Variants in TRAP1 observed in about 807,000 individuals in gnomAD.
TRAP1 encodes the protein heat shock protein 75 kDa, mitochondrial.
In TRAP1, 102 loss-of-function variants were observed where a neutral mutation model predicts 89.1. The observed-to-expected ratio is 1.15, with a 90% CI of 0.98 to 1.35. TRAP1 has a LOEUF of 1.35. TRAP1 is among the 40% of genes most tolerant of loss of function. The probability of loss-of-function intolerance (pLI) is 0.00; values close to 1 mark genes in which losing one functional copy is unlikely to be tolerated. For missense variants in TRAP1, 1,256 were observed against 945.3 expected (o/e 1.33, Z -4.31); for synonymous variants, 508 against 388.0 (o/e 1.31, Z -3.64).
intron 17 of TRAP1, chr16:3,658,541 C>T (rs780562041): frequency 5.1e-5 from 29 of 569,362 alleles, no homozygotes; most frequent in South Asian, 1.3e-4. Flanking sequence ...ATTAGCCAGG[C>T]GCATGCCTGT....
rs1176995416 is a variant in TRAP1 at position 3,658,233 on chromosome 16, G to T, written c.2014-3C>A. 1.9e-6 allele frequency: 3 copies of T among 1,612,490 alleles called. No individual in the cohort carries two copies. The highest frequency in any genetic ancestry group is 2.5e-6 in the Non-Finnish European group (3 of 1,179,056). On this transcript the variant is annotated splice_region_variant and splice_polypyrimidine_tract_variant and intron_variant, in intron 17 of 17. Transcript: ENST00000246957. ...GCAATCATGGCGTTCTCGTATATCT[G>T]AAAGGCAAGAGGAGAAACCCATTAT... is the stretch of plus-strand genomic sequence containing the variant.
intron 17 of TRAP1, 146 bp downstream of exon 17, chr16:3,658,647 T>G: frequency 1.3e-6 from 1 of 792,586 alleles, no homozygotes; most frequent in Non-Finnish European, 2.0e-6. Context: ...CACTCCAGCC[T>G]GGCAACAGAG....
At chr16:3,684,858 C>T (rs2051118044) in intron 4 of TRAP1, among the ~76,000 whole-genome samples, 1 of 152,118 alleles carries the variant, frequency 6.6e-6, no homozygotes, top group African/African-American at 2.4e-5. Flanking sequence ...AATAGAAAAA[C>T]TGGGTCCCAA....
chr16:3,659,415 C>T (rs527455581), intron 16 of TRAP1: 1 of 152,166 alleles, frequency 6.6e-6, no homozygotes, highest in Non-Finnish European at 1.5e-5. Flanking sequence ...TCAAAGATGA[C>T]AAGCACAATT....
chr16:3,711,426 C>T (rs529976259), intron 1 of TRAP1, among the ~76,000 whole-genome samples: 1 of 152,110 alleles, frequency 6.6e-6, no homozygotes, highest in East Asian at 1.9e-4. Context: ...TGGTGAAACT[C>T]TACCTCAACT....
At chr16:3,702,541 G>C (rs928451610) in intron 1 of TRAP1, among the ~76,000 whole-genome samples, 7 of 151,762 alleles carry the variant, frequency 4.6e-5, no homozygotes, top group African/African-American at 1.2e-4. Flanking sequence ...CCAGGAGTTT[G>C]AGACCAGCAT....
chr16:3,665,918 C>A (rs1467586548), intron 12 of TRAP1, 53 bp downstream of exon 12: 3 of 1,575,486 alleles, frequency 1.9e-6, no homozygotes, highest in African/African-American at 2.8e-5. Context: ...GCTTCCTCAG[C>A]AGCCCCAGGG....
intron 4 of TRAP1, among the ~76,000 whole-genome samples, chr16:3,680,611 G>A (rs2051062363): frequency 1.3e-5 from 2 of 152,260 alleles, no homozygotes; most frequent in South Asian, 2.1e-4. Context: ...GAGCCCTTGC[G>A]TTGGAGCCTC....
Position 3,676,198 on chromosome 16 carries a change from C to A in TRAP1, c.705-53G>T, listed in dbSNP as rs528363726. The A allele has an allele frequency of 3.3e-6, 5 of 1,510,138 alleles. No homozygotes were observed. The African/African-American group carries it at 4.1e-5, about 12-fold the overall frequency. The allele number at this position is 1,510,138 out of a possible 1,614,324, so 93.5% of individuals were successfully genotyped here. ...AGGTGGATGTGACACTGGGACATAC[C>A]CTGCATGGGACTCCAGCGGTTCCCG... On this transcript the variant is annotated intron_variant, in intron 6 of 17. Transcript: ENST00000246957.
At chr16:3,712,702 C>T (rs983610074) in intron 1 of TRAP1, among the ~76,000 whole-genome samples, 4 of 152,198 alleles carry the variant, frequency 2.6e-5, no homozygotes, top group African/African-American at 9.6e-5. Context: ...CCAACCTCCA[C>T]CTCCCAGGTT....
chr16:3,715,437 CA>C (rs796998372), intron 1 of TRAP1, among the ~76,000 whole-genome samples: 1 of 148,120 alleles, frequency 6.8e-6, no homozygotes, highest in Non-Finnish European at 1.5e-5. Context: ...GACTCCATCT[CA>C]AAAAAAAAGA....
chr16:3,689,231 T>C, intron 2 of TRAP1, 94 bp from the exon 3 acceptor site: 1 of 1,108,656 alleles, frequency 9.0e-7, no homozygotes, highest in Non-Finnish European at 1.3e-6. Context: ...CTTAAGTTTA[T>C]GAGTTTTAAA....
intron 1 of TRAP1, among the ~76,000 whole-genome samples, chr16:3,691,665 CA>C (rs1162009546): frequency 6.8e-5 from 10 of 147,328 alleles, no homozygotes; most frequent in East Asian, 2.0e-4. Flanking sequence ...GACAGTCAAG[CA>C]AAAAAAAAAT....
At chr16:3,685,523 G>C (rs1596726743) in intron 4 of TRAP1, among the ~76,000 whole-genome samples, 1 of 151,880 alleles carries the variant, frequency 6.6e-6, no homozygotes, top group African/African-American at 2.4e-5. Context: ...CAGGTCCTGA[G>C]GCAGCTGTCT....
At chr16:3,666,512 C>T (rs993945338) in intron 11 of TRAP1, among the ~76,000 whole-genome samples, 3 of 151,808 alleles carry the variant, frequency 2.0e-5, no homozygotes, top group Non-Finnish European at 2.9e-5. Flanking sequence ...TTATGAACAA[C>T]CTCATGTTCA....
In TRAP1 at chr16:3,690,900, C is replaced by A; in HGVS notation, c.174G>T (p.Leu58=). The change falls in exon 2 of 18, where the codon CTG becomes CTT. Residue 58 remains leucine (L), a synonymous_variant. Transcript: ENST00000246957. ...TGTCCTCGGCGGTCTGCGTGCTGAACAGTCGTCCTGCCTGCAAGCTCCAGG... is the reference window on the plus strand; with the variant it reads ...TGTCCTCGGCGGTCTGCGTGCTGAAAAGTCGTCCTGCCTGCAAGCTCCAGG... ...NPAWSLQAGR[L]FSTQTAEDKE... 2 of 1,593,176 alleles carry A rather than the reference C, an allele frequency of 1.3e-6. No homozygotes were observed. Among genetic ancestry groups the A allele is most frequent in the Admixed American group, 1.7e-5 (1 of 57,314 alleles).
chr16:3,664,490 T>G, intron 12 of TRAP1, 31 bp from the exon 13 acceptor site: 2 of 1,585,048 alleles, frequency 1.3e-6, no homozygotes, highest in Non-Finnish European at 8.6e-7. Context: ...CACCACTTAT[T>G]CCAGGCCCAT....
chr16:3,674,305 C>T (rs2151254260), intron 9 of TRAP1, 34 bp downstream of exon 9: 1 of 1,610,902 alleles, frequency 6.2e-7, no homozygotes, highest in Non-Finnish European at 8.5e-7. Flanking sequence ...AACAGAGTCA[C>T]CCTGAGGGCC....
chr16:3,663,022 C>T, intron 14 of TRAP1, 55 bp from the exon 15 acceptor site: 1 of 1,403,388 alleles, frequency 7.1e-7, no homozygotes, highest in Non-Finnish European at 9.7e-7. Flanking sequence ...TCCCCGGCTT[C>T]CATGGGGGCC....
Sources: allele counts gnomAD v4.1 joint callset (sites outside exome capture counted in the v4.1 genomes callset), GRCh38; gene constraint gnomAD v4.1.1; transcripts MANE v1.5; gene names NCBI Gene and HGNC (gene_info 2026-07-23, HGNC 2026-07-21).